The following CORO2B variants were observed in gnomAD, a reference collection of about 807,000 sequenced individuals.
The protein encoded by CORO2B is coronin-2B.
CORO2B carries 26 observed loss-of-function variants against 58.8 expected under a neutral mutation model. The ratio of observed to expected loss-of-function variants is 0.44; its 90% confidence interval spans 0.32 to 0.61. The LOEUF (loss-of-function observed/expected upper bound fraction) is 0.61, where lower values mean the gene tolerates loss of function less well. Among genes scored for constraint, CORO2B ranks in the 20% least tolerant of loss-of-function variants. The pLI is 0.04. For synonymous variants in CORO2B, 242 were observed against 253.8 expected (o/e 0.95, Z 0.44); for missense variants, 460 against 645.1 (o/e 0.71, Z 3.11).
chr15:68,530,247 A>G, the CORO2B span, among the ~76,000 whole-genome samples: 1 of 152,002 alleles, frequency 6.6e-6, no homozygotes, highest in Non-Finnish European at 1.5e-5. Flanking sequence ...ATGGTGTGAA[A>G]CCGGGAGGCG....
At chr15:68,643,333 G>C (rs1901319203) in intron 1 of CORO2B, among the ~76,000 whole-genome samples, 1 of 152,062 alleles carries the variant, frequency 6.6e-6, no homozygotes, top group African/African-American at 2.4e-5. Context: ...ACACAGCCTG[G>C]GGAGGAGAGG....
chr15:68,618,320 G>A (rs77844638), intron 1 of CORO2B, among the ~76,000 whole-genome samples: 1,543 of 152,250 alleles, frequency 0.01, 38 homozygotes, highest in African/African-American at 0.035. Flanking sequence ...TGGGTTGAGC[G>A]TTGCATATAT....
intron 2 of CORO2B, among the ~76,000 whole-genome samples, chr15:68,677,614 A>G (rs1319209268): frequency 6.6e-6 from 1 of 152,148 alleles, no homozygotes; most frequent in African/African-American, 2.4e-5. Context: ...CGGACCTTCA[A>G]AACCTCCATG....
intron 2 of CORO2B, among the ~76,000 whole-genome samples, chr15:68,658,166 C>T (rs2140284184): frequency 6.6e-6 from 1 of 152,364 alleles, no homozygotes; most frequent in East Asian, 1.9e-4. Flanking sequence ...CAAGGTCTCG[C>T]CAGCTCTGAC....
At chr15:68,640,561 G>A (rs1199773324) in intron 1 of CORO2B, among the ~76,000 whole-genome samples, 1 of 150,268 alleles carries the variant, frequency 6.7e-6, no homozygotes, top group Admixed American at 6.6e-5. Flanking sequence ...GAAGGCAAAA[G>A]AGAGATCACA....
At position 68,710,814 on chromosome 15, in the gene CORO2B, G is replaced by A. The variant is rs775165158; in HGVS notation, c.416G>A (p.Arg139His). Reference sequence around the variant, plus strand: ...CTGGAGCTGCACGGGCACAGCCGGCGTGTGGGGCTGGTCGAGTGGCACCCC... The same window carrying A: ...CTGGAGCTGCACGGGCACAGCCGGCATGTGGGGCTGGTCGAGTGGCACCCC... The part of the protein sequence containing the change: ...ALLELHGHSR[R>H]VGLVEWHPTT... Residue 139 changes from arginine to histidine, a missense_variant, in exon 4 of 12, where the codon CGT (arginine) becomes CAT (histidine). This residue lies in a region of CORO2B where 352 missense variants were observed against 543.0 expected (regional missense o/e 0.65). Coordinates refer to ENST00000261861, the MANE Select transcript of CORO2B (RefSeq NM_006091.5). The surrounding 1 kb of genome is among the most constrained non-coding windows in gnomAD (Gnocchi z 4.1). 11 of 1,612,022 alleles carry A rather than the reference G, an allele frequency of 6.8e-6. No individual in the cohort carries two copies. The highest frequency in any genetic ancestry group is 2.2e-5 in the East Asian group (1 of 44,838).
chr15:68,528,866 A>G, the CORO2B span, among the ~76,000 whole-genome samples: 1 of 152,192 alleles, frequency 6.6e-6, no homozygotes, highest in Non-Finnish European at 1.5e-5. Flanking sequence ...TTCAGTTTCA[A>G]TTCCAATTTT....
chr15:68,519,016 C>T, the CORO2B span, among the ~76,000 whole-genome samples: 1 of 152,168 alleles, frequency 6.6e-6, no homozygotes, highest in African/African-American at 2.4e-5. Flanking sequence ...AGGAGCAAAG[C>T]AGAGTATGCA....
chr15:68,714,000 G>A lies in CORO2B; in HGVS notation c.724G>A (p.Val242Ile). The A allele has an allele frequency of 1.2e-6, 2 of 1,614,088 alleles. No homozygotes were observed. Residue 242 changes from valine (V) to isoleucine (I), a missense_variant, in exon 6 of 12, where the codon GTC becomes ATC. Transcript: ENST00000261861. Reference protein sequence around the residue: ...GNMKRLLTTGVSRWNTRQIAL... With the variant: ...GNMKRLLTTGISRWNTRQIAL... ...CATGAAGCGGCTCCTCACGACAGGG[G>A]TCTCCAGGTGGAACACAAGACAGAT...
Position 68,701,018 on chromosome 15 carries a change from C to T in CORO2B, c.333+5762C>T, listed in dbSNP as rs116682827. The stretch of plus-strand genomic sequence containing the variant: ...GCTGGGGGCGGGATGGACAGGATGT[C>T]AGCCCTGCTGGAAGCCACCCACCAC... On this transcript the variant is annotated intron_variant, in intron 3 of 11. Transcript: ENST00000261861. Among the ~76,000 whole-genome samples the T allele has an allele frequency of 1.3e-3, 201 of 152,310 alleles. 1 individual carries two copies. Among genetic ancestry groups the T allele is most frequent in the African/African-American group, 4.5e-3 (188 of 41,570 alleles).
At position 68,715,257 on chromosome 15, in the gene CORO2B, C is replaced by T; in HGVS notation, c.913C>T (p.Pro305Ser). ...IRYYEISTEK[P>S]YLSYLMEFRS... ...GTACTACGAGATCAGCACTGAGAAG[C>T]CCTACCTGAGTTACCTCATGGAGTT... Residue 305 changes from proline to serine, a missense_variant, in exon 8 of 12, where the codon CCC (proline) becomes TCC (serine). This residue lies in a region of CORO2B where 352 missense variants were observed against 543.0 expected (regional missense o/e 0.65). Transcript: ENST00000261861. 6.2e-7 allele frequency: 1 copy of T among 1,614,098 alleles called. No homozygotes were observed. The highest frequency in any genetic ancestry group is 1.1e-5 in the South Asian group (1 of 91,082).
the CORO2B span, among the ~76,000 whole-genome samples, chr15:68,529,792 A>G: frequency 8.5e-5 from 13 of 152,224 alleles, no homozygotes; most frequent in Non-Finnish European, 1.6e-4. Flanking sequence ...TTAAAGACAT[A>G]TATTTCTCAT....
intron 2 of CORO2B, among the ~76,000 whole-genome samples, chr15:68,648,495 A>C (rs1053424650): frequency 1.3e-5 from 2 of 150,644 alleles, no homozygotes. Flanking sequence ...AAATACAAAA[A>C]CAAAATTAGC....
At chr15:68,717,241 G>A (rs1485392547) in intron 8 of CORO2B, among the ~76,000 whole-genome samples, 1 of 151,772 alleles carries the variant, frequency 6.6e-6, no homozygotes, top group Non-Finnish European at 1.5e-5. Context: ...TTGAACCCGG[G>A]AGGCAGAGGT....
chr15:68,571,054 T>C, the CORO2B span, among the ~76,000 whole-genome samples: 7 of 152,306 alleles, frequency 4.6e-5, no homozygotes, highest in South Asian at 2.1e-4. Context: ...GAATGGATGA[T>C]TGACATCTAA....
intron 1 of CORO2B, among the ~76,000 whole-genome samples, chr15:68,609,907 G>A (rs1900209131): frequency 6.6e-6 from 1 of 152,108 alleles, no homozygotes. Context: ...AGCTTGACCT[G>A]GAATCCGCAT....
intron 2 of CORO2B, among the ~76,000 whole-genome samples, chr15:68,690,001 G>A (rs917454043): frequency 6.6e-6 from 1 of 152,138 alleles, no homozygotes; most frequent in African/African-American, 2.4e-5. Flanking sequence ...GAGTAAACTT[G>A]CAATTAAGTT....
the CORO2B span, among the ~76,000 whole-genome samples, chr15:68,563,225 C>T: frequency 6.6e-6 from 1 of 151,512 alleles, no homozygotes; most frequent in Admixed American, 6.6e-5. Context: ...CCATGGCTCA[C>T]ACCTATAATC....
chr15:68,564,448 A>C, the CORO2B span, among the ~76,000 whole-genome samples: 112,715 of 151,908 alleles, frequency 0.74, 42,464 homozygotes, highest in East Asian at 0.87. Flanking sequence ...GGACTACAGG[A>C]GCGTGCCACT....
Sources: allele counts gnomAD v4.1 joint callset (sites outside exome capture counted in the v4.1 genomes callset), GRCh38; gene constraint gnomAD v4.1.1; regional missense constraint gnomAD v4.1.1; non-coding constraint Gnocchi (gnomAD v3.1); transcripts MANE v1.5; gene names NCBI Gene and HGNC (gene_info 2026-07-23, HGNC 2026-07-21).